The following CTNNA3 variants were observed in gnomAD, a reference collection of about 807,000 sequenced individuals.
CTNNA3 encodes catenin alpha-3.
In CTNNA3, 76 loss-of-function variants were observed where a neutral mutation model predicts 95.7. That is an observed-to-expected ratio of 0.79 (90% CI 0.66 to 0.96). The LOEUF is 0.96. CTNNA3 is among the 40% of genes least tolerant of loss of function. CTNNA3 has a pLI of 0.00. For missense variants in CTNNA3, 1,191 were observed against 1,089.8 expected (o/e 1.09, Z -1.31); for synonymous variants, 431 against 374.4 (o/e 1.15, Z -1.74).
chr10:66,524,490 A>G (rs1020805340), intron 10 of CTNNA3, among the ~76,000 whole-genome samples: 1 of 143,310 alleles, frequency 7.0e-6, no homozygotes, highest in African/African-American at 2.6e-5. Flanking sequence ...ATTCAAGAAG[A>G]GTTAATCTGT....
intron 15 of CTNNA3, among the ~76,000 whole-genome samples, chr10:65,994,719 AGGC>A (rs1440454942): frequency 6.6e-6 from 1 of 152,120 alleles, no homozygotes; most frequent in Non-Finnish European, 1.5e-5. Context: ...TTAAGTTTCC[AGGC>A]ATCATTTTAC....
intron 13 of CTNNA3, among the ~76,000 whole-genome samples, chr10:66,196,054 G>T (rs1298672799): frequency 1.3e-5 from 2 of 151,918 alleles, no homozygotes; most frequent in Non-Finnish European, 2.9e-5. Context: ...ATTATTAAAA[G>T]AAAATAATAT....
At chr10:66,103,082 G>A in intron 14 of CTNNA3, 75 bp downstream of exon 14, 2 of 1,189,000 alleles carry the variant, frequency 1.7e-6, no homozygotes, top group African/African-American at 1.5e-5. Flanking sequence ...ATTAGAGGCT[G>A]CCTAGATTGA....
At chr10:66,445,888 G>T (rs957013770) in intron 11 of CTNNA3, among the ~76,000 whole-genome samples, 2 of 152,168 alleles carry the variant, frequency 1.3e-5, no homozygotes, top group African/African-American at 4.8e-5. Flanking sequence ...TCCAGGAGCT[G>T]GTTTTTTGAA....
At chr10:67,763,201 G>A (rs1841471601) in intron 1 of CTNNA3, among the ~76,000 whole-genome samples, 1 of 151,934 alleles carries the variant, frequency 6.6e-6, no homozygotes, top group Non-Finnish European at 1.5e-5. Flanking sequence ...GCCTGGCAAT[G>A]TCGGGAATTA....
At chr10:66,097,349 A>C (rs1304795030) in intron 14 of CTNNA3, among the ~76,000 whole-genome samples, 1 of 152,130 alleles carries the variant, frequency 6.6e-6, no homozygotes, top group Non-Finnish European at 1.5e-5. Context: ...AAAGATCTGC[A>C]TTTTTCATGA....
chr10:67,490,723 G>T (rs1382375486), intron 5 of CTNNA3, among the ~76,000 whole-genome samples: 2 of 152,118 alleles, frequency 1.3e-5, no homozygotes, highest in Non-Finnish European at 2.9e-5. Flanking sequence ...AAGAGTCCTG[G>T]TAGATCAGAG....
chr10:65,981,705 T>C (rs6480121), intron 16 of CTNNA3, among the ~76,000 whole-genome samples: 130,592 of 151,936 alleles, frequency 0.86, 56,374 homozygotes, highest in African/African-American at 0.91. Flanking sequence ...ATGCTTACAG[T>C]GAAATGATCT....
At chr10:66,419,337 G>A (rs7910651) in intron 11 of CTNNA3, among the ~76,000 whole-genome samples, 17,833 of 151,942 alleles carry the variant, frequency 0.12, 1,520 homozygotes, top group African/African-American at 0.24. Context: ...AAACCAATGA[G>A]GTGAAATATC....
intron 12 of CTNNA3, among the ~76,000 whole-genome samples, chr10:66,286,206 C>A (rs532127508): frequency 3.3e-5 from 5 of 151,870 alleles, no homozygotes; most frequent in African/African-American, 9.7e-5. Context: ...AAATTTTTAC[C>A]CCTATCAACA....
chr10:67,516,261 T>C (rs761210762), intron 5 of CTNNA3, among the ~76,000 whole-genome samples: 5 of 152,208 alleles, frequency 3.3e-5, no homozygotes, highest in Non-Finnish European at 7.3e-5. Context: ...AGTCCCTACC[T>C]TATAAGGTCC....
In CTNNA3 at chr10:66,941,167, T is replaced by C. The variant is rs77931227; in HGVS notation, c.1048-165643A>G. Among the ~76,000 whole-genome samples, 346 of 152,328 alleles carry C rather than the reference T, an allele frequency of 2.3e-3. 4 individuals carry two copies. The highest frequency in any genetic ancestry group is 8.0e-3 in the African/African-American group (331 of 41,588). ...GACAATATTTCCTCAGCTGAGTCGG[T>C]TAATTAAAATGCACAGTTACAACAG... On this transcript the variant is annotated intron_variant, in intron 7 of 17. Transcript: ENST00000433211.
chr10:66,768,667 A>G (rs1839962950), intron 8 of CTNNA3, among the ~76,000 whole-genome samples: 1 of 152,176 alleles, frequency 6.6e-6, no homozygotes, highest in Admixed American at 6.6e-5. Flanking sequence ...TACCAAGAGA[A>G]AGGTATTGAA....
At position 67,564,378 on chromosome 10, in the gene CTNNA3, C is replaced by A. The variant is rs1387152153; in HGVS notation, c.293-24709G>T. ...TGGAGCTGGTAACCACCATTCTGAG[C>A]AAACTATCGCAAGGACAGAAAACCA... On this transcript the variant is annotated intron_variant, in intron 3 of 17. Transcript: ENST00000433211. Among the ~76,000 whole-genome samples, 7 of 148,104 alleles carry A rather than the reference C, an allele frequency of 4.7e-5. 1 individual carries two copies. Among genetic ancestry groups the A allele is most frequent in the Non-Finnish European group, 9.0e-5 (6 of 67,024 alleles).
chr10:67,471,406 T>C (rs1354824093), intron 5 of CTNNA3, among the ~76,000 whole-genome samples: 1 of 152,250 alleles, frequency 6.6e-6, no homozygotes, highest in African/African-American at 2.4e-5. Flanking sequence ...AAGCATCTAT[T>C]ATGAAGCTAA....
intron 12 of CTNNA3, among the ~76,000 whole-genome samples, chr10:66,375,930 A>G (rs2092793742): frequency 6.6e-6 from 1 of 152,182 alleles, no homozygotes; most frequent in South Asian, 2.1e-4. Context: ...TACTTGATGA[A>G]TGAACCTGTA....
chr10:67,133,366 C>CATATAT (rs1554928733), intron 7 of CTNNA3, among the ~76,000 whole-genome samples: 12 of 124,564 alleles, frequency 9.6e-5, no homozygotes, highest in African/African-American at 3.1e-4. Context: ...TACATACATA[C>CATATAT]ATATATATAT....
chr10:67,580,994 T>C (rs1368454467), intron 3 of CTNNA3, among the ~76,000 whole-genome samples: 3 of 152,140 alleles, frequency 2.0e-5, no homozygotes, highest in African/African-American at 7.2e-5. Context: ...TACAATCATG[T>C]CATCTGCAAA....
chr10:66,964,795 G>C (rs1314158972), intron 7 of CTNNA3, among the ~76,000 whole-genome samples: 2 of 152,128 alleles, frequency 1.3e-5, no homozygotes, highest in African/African-American at 2.4e-5. Flanking sequence ...AAGCAGATGA[G>C]AGGCAGACTG....
Sources: allele counts gnomAD v4.1 joint callset (sites outside exome capture counted in the v4.1 genomes callset), GRCh38; gene constraint gnomAD v4.1.1; transcripts MANE v1.5; gene names NCBI Gene and HGNC (gene_info 2026-07-23, HGNC 2026-07-21).